The following SCD5 variants were observed in gnomAD, a reference collection of about 807,000 sequenced individuals.
SCD5 encodes the protein acyl-CoA-desaturase 4.
A neutral mutation model predicts 30.4 loss-of-function variants in SCD5; 20 were observed. The ratio of observed to expected loss-of-function variants is 0.66; its 90% CI spans 0.46 to 0.96. The LOEUF (loss-of-function observed/expected upper bound fraction) is 0.96, where lower values mean the gene tolerates loss of function less well. SCD5 is among the 40% of genes least tolerant of loss of function. The pLI is 0.00. For synonymous variants in SCD5, 173 were observed against 176.4 expected (o/e 0.98, Z 0.16); for missense variants, 381 against 443.3 (o/e 0.86, Z 1.26).
chr4:82,758,994 C>T (rs887032967), intron 1 of SCD5, among the ~76,000 whole-genome samples: 4 of 152,238 alleles, frequency 2.6e-5, no homozygotes, highest in South Asian at 4.1e-4. Flanking sequence ...CGCCCCAGCG[C>T]CCCGCTGACA....
chr4:82,769,333 G>A (rs944876747), intron 1 of SCD5, among the ~76,000 whole-genome samples: 2 of 152,128 alleles, frequency 1.3e-5, no homozygotes, highest in Admixed American at 6.5e-5. Context: ...GACTCTCATG[G>A]TTAATAAATT....
chr4:82,730,441 C>T (rs7697590), intron 1 of SCD5, among the ~76,000 whole-genome samples: 23,354 of 150,472 alleles, frequency 0.16, 2,790 homozygotes, highest in African/African-American at 0.33. Context: ...GGATTACAGG[C>T]GCATGCCACT....
At chr4:82,795,809 CAA>C (rs72115040) in intron 1 of SCD5, among the ~76,000 whole-genome samples, 203 of 43,862 alleles carry the variant, frequency 4.6e-3, no homozygotes, top group African/African-American at 0.017. Flanking sequence ...CCCTGTCTCA[CAA>C]AAAAAAAAAA....
intron 1 of SCD5, among the ~76,000 whole-genome samples, chr4:82,782,458 C>T (rs1721892442): frequency 6.6e-6 from 1 of 152,098 alleles, no homozygotes; most frequent in Non-Finnish European, 1.5e-5. Context: ...GCTGCTGCCC[C>T]TGATTTAGTC....
chr4:82,788,945 T>C (rs1049350505), intron 1 of SCD5, among the ~76,000 whole-genome samples: 14 of 152,332 alleles, frequency 9.2e-5, no homozygotes, highest in Admixed American at 9.1e-4. Flanking sequence ...AAGTACCCTA[T>C]CTCAAGATTT....
intron 2 of SCD5, among the ~76,000 whole-genome samples, chr4:82,689,522 T>C (rs537250123): frequency 2.0e-5 from 3 of 152,236 alleles, no homozygotes; most frequent in African/African-American, 7.2e-5. Context: ...GGGCTATAAA[T>C]ACATTGGAAA....
chr4:82,795,620 C>T (rs565894199), intron 1 of SCD5, among the ~76,000 whole-genome samples: 36 of 151,284 alleles, frequency 2.4e-4, no homozygotes, highest in East Asian at 5.9e-4. Context: ...AATTCAAGAC[C>T]GGCCTGGGCA....
At chr4:82,703,986 C>T (rs1019136403) in intron 2 of SCD5, among the ~76,000 whole-genome samples, 34 of 152,226 alleles carry the variant, frequency 2.2e-4, no homozygotes, top group African/African-American at 7.7e-4. Context: ...CTGCCAACTG[C>T]TCCCTTATGC....
At chr4:82,793,529 A>G (rs1467391984) in intron 1 of SCD5, among the ~76,000 whole-genome samples, 1 of 152,214 alleles carries the variant, frequency 6.6e-6, no homozygotes, top group East Asian at 1.9e-4. Context: ...TATGCAAGAG[A>G]GGCTGTGAAG....
chr4:82,702,130 C>CTTTTTTTTTTTTT lies in SCD5; in HGVS notation c.363+3140_363+3152dup, dbSNP rs10701664. Among the ~76,000 whole-genome samples, 166 of 64,112 alleles carry CTTTTTTTTTTTTT rather than the reference C, an allele frequency of 2.6e-3. 15 individuals carry two copies. The highest frequency in any genetic ancestry group is 0.017 in the Middle Eastern group (1 of 60). The allele number at this position is 64,112 out of a possible 152,430, so 42.1% of individuals were successfully genotyped here. On this transcript the variant is annotated intron_variant, in intron 2 of 4. Coordinates refer to ENST00000319540, the MANE Select transcript of SCD5 (RefSeq NM_001037582.3). Reference sequence around the variant, plus strand: ...TCAGGCATTCCTGCCCCATCATCATCTTTTTTTTTTTTTTTTTTTTTTTTT... The same window carrying CTTTTTTTTTTTTT: ...TCAGGCATTCCTGCCCCATCATCATCTTTTTTTTTTTTTTTTTTTTTTTTTTTTTTTTTTTTTT...
At chr4:82,660,841 C>A in intron 3 of SCD5, 1 of 1,613,556 alleles carries the variant, frequency 6.2e-7, no homozygotes, top group Non-Finnish European at 8.5e-7. Context: ...TACGTTATCA[C>A]CAAGCCTCGC....
intron 1 of SCD5, among the ~76,000 whole-genome samples, chr4:82,784,158 G>A (rs1721938982): frequency 6.6e-6 from 1 of 152,142 alleles, no homozygotes; most frequent in African/African-American, 2.4e-5. Context: ...ACACATCACA[G>A]TAAAATGGTT....
chr4:82,689,258 G>A (rs1039894817), intron 2 of SCD5, among the ~76,000 whole-genome samples: 3 of 152,128 alleles, frequency 2.0e-5, no homozygotes, highest in African/African-American at 7.2e-5. Context: ...AAATGATGGG[G>A]CATGTCGAAA....
chr4:82,748,021 T>C (rs1392458519), intron 1 of SCD5, among the ~76,000 whole-genome samples: 1 of 152,084 alleles, frequency 6.6e-6, no homozygotes, highest in Admixed American at 6.5e-5. Context: ...AGGAAAAAAA[T>C]GAATTACTTG....
intron 3 of SCD5, among the ~76,000 whole-genome samples, chr4:82,675,472 T>G (rs950647876): frequency 1.1e-4 from 16 of 152,208 alleles, no homozygotes; most frequent in Non-Finnish European, 2.1e-4. Flanking sequence ...GCAATATTTA[T>G]ACATTTTGAT....
intron 1 of SCD5, among the ~76,000 whole-genome samples, chr4:82,730,648 G>C (rs6535399): frequency 0.58 from 81,576 of 140,790 alleles, 26,042 homozygotes; most frequent in African/African-American, 0.87. Context: ...TGCAGTGGCG[G>C]GATCTTGGCT....
chr4:82,706,197 ATT>A (rs34125720), intron 1 of SCD5, among the ~76,000 whole-genome samples: 2 of 150,624 alleles, frequency 1.3e-5, no homozygotes, highest in East Asian at 3.9e-4. Context: ...CTCTATTAAC[ATT>A]TTTTTTTTCA....
At chr4:82,657,136 C>T (rs1252278895) in intron 3 of SCD5, among the ~76,000 whole-genome samples, 3 of 152,080 alleles carry the variant, frequency 2.0e-5, no homozygotes, top group Non-Finnish European at 2.9e-5. Flanking sequence ...CTTTCATTGC[C>T]GTTGCTTTTG....
intron 1 of SCD5, among the ~76,000 whole-genome samples, chr4:82,754,938 A>C (rs1290388459): frequency 1.3e-5 from 2 of 152,184 alleles, no homozygotes. Context: ...AACAGAAGCA[A>C]CAAGACACCA....
Sources: gnomAD v4.1 joint callset for allele counts (sites outside exome capture counted in the v4.1 genomes callset) on GRCh38, gnomAD v4.1.1 for gene constraint, MANE v1.5 for transcripts, NCBI Gene and HGNC (gene_info 2026-07-23, HGNC 2026-07-21) for gene names.